IQSEC1: variants seen among roughly 807,000 people sequenced by gnomAD.
IQSEC1 encodes the protein IQ motif and Sec7 domain ArfGEF 1.
A neutral mutation model predicts 91.0 loss-of-function variants in IQSEC1; 31 were observed. The ratio of observed to expected loss-of-function variants is 0.34; its 90% confidence interval spans 0.26 to 0.46. The LOEUF is 0.46. Ranked by LOEUF, IQSEC1 falls within the 20% of genes least tolerant of loss-of-function variation. The probability of loss-of-function intolerance (pLI) is 1.00; values close to 1 mark genes in which losing one functional copy is unlikely to be tolerated. For missense variants in IQSEC1, 1,388 were observed against 1,575.6 expected, an observed-to-expected ratio of 0.88 and a Z score of 2.02; for synonymous variants, 699 against 662.6, an observed-to-expected ratio of 1.05 and a Z score of -0.84.
chr3:12,942,758 G>A (rs1180215276), intron 1 of IQSEC1, among the ~76,000 whole-genome samples: 1 of 152,256 alleles, frequency 6.6e-6, no homozygotes, highest in Non-Finnish European at 1.5e-5. Flanking sequence ...ACGGGACTGT[G>A]TTTTGGAAAC....
At chr3:13,153,402 A>C (rs566824685) in intron 2 of IQSEC1, among the ~76,000 whole-genome samples, 2 of 152,262 alleles carry the variant, frequency 1.3e-5, no homozygotes, top group East Asian at 3.9e-4. Flanking sequence ...AAGGTCCTGG[A>C]AGAGGAGAGA....
chr3:12,998,427 A>T (rs919763016), intron 1 of IQSEC1, among the ~76,000 whole-genome samples: 3 of 152,200 alleles, frequency 2.0e-5, no homozygotes, highest in African/African-American at 7.2e-5. Context: ...TATGATAAGG[A>T]ACAATCCCCA....
At chr3:13,007,285 G>A (rs996641029) in intron 1 of IQSEC1, among the ~76,000 whole-genome samples, 3 of 152,234 alleles carry the variant, frequency 2.0e-5, no homozygotes, top group South Asian at 2.1e-4. Flanking sequence ...GCTGGTATGC[G>A]GGATCCAGAC....
intron 1 of IQSEC1, among the ~76,000 whole-genome samples, chr3:13,041,845 T>A (rs1704283611): frequency 1.3e-5 from 2 of 152,220 alleles, no homozygotes; most frequent in African/African-American, 4.8e-5. Context: ...GCTCCTGATC[T>A]CCTGACCAGG....
rs138474137 is a variant in IQSEC1, at chr3:13,047,820, G to A, written c.23+25172C>T. Reference sequence around the variant, plus strand: ...AGGAAGCGCAGTGGGCAGGGTTAAAGGTCCTCTCTGGCTGGACCCAGACTT... The same window carrying A: ...AGGAAGCGCAGTGGGCAGGGTTAAAAGTCCTCTCTGGCTGGACCCAGACTT... On this transcript the variant is annotated intron_variant, in intron 1 of 13. Coordinates refer to ENST00000613206, the MANE Select transcript of IQSEC1 (RefSeq NM_001134382.3). Among the ~76,000 whole-genome samples, 447 of 152,276 alleles carry A rather than the reference G, an allele frequency of 2.9e-3. 1 individual carries two copies. The highest frequency in any genetic ancestry group is 0.01 in the African/African-American group (423 of 41,540).
chr3:13,022,220 A>G, intron 1 of IQSEC1: 2 of 1,228,146 alleles, frequency 1.6e-6, no homozygotes, highest in Non-Finnish European at 2.0e-6. Context: ...TTCCTTCTTC[A>G]TGGTAGGAAG....
intron 1 of IQSEC1, among the ~76,000 whole-genome samples, chr3:13,169,820 G>C (rs1007787689): frequency 6.6e-6 from 1 of 152,216 alleles, no homozygotes; most frequent in Non-Finnish European, 1.5e-5. Context: ...AAGCATTCAA[G>C]AGGTGACTTG....
intron 2 of IQSEC1, among the ~76,000 whole-genome samples, chr3:13,160,019 G>A (rs560566930): frequency 3.3e-5 from 5 of 152,046 alleles, no homozygotes; most frequent in African/African-American, 7.3e-5. Context: ...ACATCCTCCC[G>A]GGGAACAATG....
At chr3:13,050,990 G>T (rs1469440059) in intron 1 of IQSEC1, among the ~76,000 whole-genome samples, 1 of 152,008 alleles carries the variant, frequency 6.6e-6, no homozygotes, top group Non-Finnish European at 1.5e-5. Flanking sequence ...TATGTATGAG[G>T]GCACTGGGGC....
intron 1 of IQSEC1, among the ~76,000 whole-genome samples, chr3:13,218,580 G>C (rs1471378234): frequency 6.6e-6 from 1 of 152,240 alleles, no homozygotes; most frequent in African/African-American, 2.4e-5. Flanking sequence ...CTGGGGAAAA[G>C]GGAAAAGGTT....
At chr3:13,230,687 AT>A (rs1457290866) in intron 1 of IQSEC1, among the ~76,000 whole-genome samples, 1 of 152,176 alleles carries the variant, frequency 6.6e-6, no homozygotes, top group East Asian at 1.9e-4. Context: ...CTTGCTAAAA[AT>A]TTCCATGGAA....
rs555673934 is a variant in IQSEC1 at position 13,211,651 on chromosome 3, G to T, written c.273-47518C>A. Among the ~76,000 whole-genome samples the T allele has an allele frequency of 9.8e-4, 149 of 152,212 alleles. No individual in the cohort carries two copies. Among genetic ancestry groups the T allele is most frequent in the African/African-American group, 3.4e-3 (140 of 41,534 alleles). ...TGATCCCCTCAGCCTATCCCTGAAG[G>T]CCAGGCCAGGACCCACGAACTGGCA... On this transcript the variant is annotated intron_variant, in intron 1 of 15. Transcript: ENST00000648114. This position sits in a 1 kb window ranked among gnomAD's most constrained non-coding sequence, Gnocchi z 5.3.
rs1285853366 is a variant in IQSEC1 at position 12,967,029 on chromosome 3, C to T, written c.24-25164G>A. ...CCCTCACCTCACACCCACACCGAGT[C>T]CCACTGTTTCCCTCTCAAGCCCCCA... On this transcript the variant is annotated intron_variant, in intron 1 of 13. Coordinates refer to ENST00000613206, the MANE Select transcript of IQSEC1 (RefSeq NM_001134382.3). This position sits in a 1 kb window ranked among gnomAD's most constrained non-coding sequence, Gnocchi z 5.9. 2.0e-5 allele frequency among the ~76,000 whole-genome samples: 3 copies of T among 152,050 alleles called. No individual in the cohort carries two copies. The highest frequency in any genetic ancestry group is 7.2e-5 in the African/African-American group (3 of 41,406).
rs1412267682 is a variant in IQSEC1 at position 13,079,730 on chromosome 3, A to AT, written c.303-32209dup. ...TATGCCGCCCATATGTCCATTTTAC[A>AT]TGAGCCAGTTTGAAGCGGGCTCACT... On this transcript the variant is annotated intron_variant, in intron 2 of 15. Coordinates refer to the IQSEC1 transcript ENST00000648114. 3.3e-5 allele frequency among the ~76,000 whole-genome samples: 5 copies of AT among 152,354 alleles called. No individual in the cohort carries two copies. The East Asian group carries it at 9.6e-4, about 29-fold the overall frequency.
intron 2 of IQSEC1, among the ~76,000 whole-genome samples, chr3:13,149,059 G>A (rs1016943487): frequency 7.9e-5 from 12 of 152,162 alleles, no homozygotes; most frequent in Admixed American, 1.3e-4. Flanking sequence ...CCAGCCCCTC[G>A]CCTCCCCTTC....
chr3:13,268,296 T>G (rs1695531933), intron 1 of IQSEC1, among the ~76,000 whole-genome samples: 1 of 152,204 alleles, frequency 6.6e-6, no homozygotes, highest in African/African-American at 2.4e-5. Flanking sequence ...AGACAAGAAC[T>G]TCACCTCTTT....
rs377391039 is a variant in IQSEC1, at chr3:13,034,565, C to G, written c.23+38427G>C. 2.0e-5 allele frequency among the ~76,000 whole-genome samples: 3 copies of G among 152,292 alleles called. No individual in the cohort carries two copies. In the East Asian group the frequency reaches 5.8e-4, roughly 29 times the overall value. ...GTGTGGAGCCTGTTGGCACCTGCAA[C>G]GCTTACTTTAAATGCTCTCTGGACG... is the stretch of plus-strand genomic sequence containing the variant. On this transcript the variant is annotated intron_variant, in intron 1 of 13. Coordinates refer to ENST00000613206, the MANE Select transcript of IQSEC1 (RefSeq NM_001134382.3).
At chr3:13,015,857 A>C (rs1437595495) in intron 1 of IQSEC1, 1 of 267,544 alleles carries the variant, frequency 3.7e-6, no homozygotes, top group East Asian at 1.8e-4. Context: ...GGCCCCAGTC[A>C]ATAAATAATA....
At chr3:12,923,236 G>A (rs1696796099) in intron 4 of IQSEC1, among the ~76,000 whole-genome samples, 1 of 152,198 alleles carries the variant, frequency 6.6e-6, no homozygotes. Context: ...TCTGACCTGA[G>A]GAAAACAATG....
Sources: gnomAD v4.1 joint callset for allele counts (sites outside exome capture counted in the v4.1 genomes callset) on GRCh38, gnomAD v4.1.1 for gene constraint, Gnocchi (gnomAD v3.1) non-coding constraint, MANE v1.5 for transcripts, NCBI Gene and HGNC (gene_info 2026-07-23, HGNC 2026-07-21) for gene names.